Variants in LRP1B observed in about 807,000 individuals in gnomAD.
LRP1B encodes the protein low-density lipoprotein receptor-related protein 1B.
A neutral mutation model predicts 556.6 loss-of-function variants in LRP1B; 217 were observed. The observed-to-expected ratio is 0.39, with a 90% CI of 0.35 to 0.44. LRP1B has a LOEUF of 0.44. LRP1B is among the 20% of genes least tolerant of loss of function. The probability of loss-of-function intolerance (pLI) is 1.00; values close to 1 mark genes in which losing one functional copy is unlikely to be tolerated. For missense variants in LRP1B, 5,053 were observed against 5,620.8 expected, an observed-to-expected ratio of 0.90 and a Z score of 3.23; for synonymous variants, 2,047 against 1,865.8, an observed-to-expected ratio of 1.10 and a Z score of -2.50.
intron 18 of LRP1B, among the ~76,000 whole-genome samples, chr2:140,957,755 G>A (rs549200980): frequency 1.3e-5 from 2 of 151,542 alleles, no homozygotes; most frequent in South Asian, 4.2e-4. Context: ...CTATCTAGAT[G>A]CCTGGGTTTT....
intron 2 of LRP1B, among the ~76,000 whole-genome samples, chr2:141,795,638 G>A (rs1695778612): frequency 6.6e-6 from 1 of 151,720 alleles, no homozygotes; most frequent in Non-Finnish European, 1.5e-5. Flanking sequence ...GAACAGAAAA[G>A]AAGATGTAAG....
intron 7 of LRP1B, among the ~76,000 whole-genome samples, chr2:141,134,494 C>T (rs1415980139): frequency 6.6e-6 from 1 of 151,832 alleles, no homozygotes; most frequent in Non-Finnish European, 1.5e-5. Context: ...CCTCTTCCAA[C>T]TGTCTTATGT....
intron 31 of LRP1B, among the ~76,000 whole-genome samples, chr2:140,828,197 AAAGT>A (rs1691575856): frequency 6.6e-6 from 1 of 152,218 alleles, no homozygotes; most frequent in Admixed American, 6.6e-5. Flanking sequence ...CTCATTGCTA[AAAGT>A]AAGTATAAAG....
At chr2:141,160,100 TTTC>T (rs1348011008) in intron 7 of LRP1B, among the ~76,000 whole-genome samples, 1 of 151,210 alleles carries the variant, frequency 6.6e-6, no homozygotes, top group Non-Finnish European at 1.5e-5. Context: ...ATGTATCCCA[TTTC>T]TTATTTTTTT....
At chr2:140,536,867 T>C (rs1679923151) in intron 45 of LRP1B, among the ~76,000 whole-genome samples, 158 bp from the exon 46 acceptor site, 1 of 151,830 alleles carries the variant, frequency 6.6e-6, no homozygotes, top group Admixed American at 6.6e-5. Context: ...CTTTATGAAA[T>C]TAAGATCTTA....
intron 7 of LRP1B, among the ~76,000 whole-genome samples, chr2:141,148,058 C>T (rs1241978744): frequency 6.6e-6 from 1 of 152,136 alleles, no homozygotes; most frequent in Non-Finnish European, 1.5e-5. Context: ...AGGACAAACT[C>T]ATCTAACAAT....
At chr2:141,135,166 A>G (rs1227376170) in intron 7 of LRP1B, among the ~76,000 whole-genome samples, 4 of 151,864 alleles carry the variant, frequency 2.6e-5, no homozygotes, top group African/African-American at 9.7e-5. Context: ...AAATAATTAA[A>G]TACTTTTAGT....
rs530887178 is a variant in LRP1B, at chr2:141,387,024, A to T, written c.343+93372T>A. Among the ~76,000 whole-genome samples the T allele has an allele frequency of 3.9e-3, 592 of 152,180 alleles. 4 individuals are homozygous for T. The highest frequency in any genetic ancestry group is 0.013 in the African/African-American group (528 of 41,580). ...GAATATCTTCTCAAACCACAATGGA[A>T]TAAAGTTAGAAATTAATAAAAGATA... On this transcript the variant is annotated intron_variant, in intron 3 of 90. Coordinates refer to ENST00000389484, the MANE Select transcript of LRP1B (RefSeq NM_018557.3).
At chr2:140,561,677 A>G (rs1680935848) in intron 43 of LRP1B, among the ~76,000 whole-genome samples, 1 of 152,160 alleles carries the variant, frequency 6.6e-6, no homozygotes, top group Non-Finnish European at 1.5e-5. Context: ...TCATATAAGT[A>G]AAGAAAAAAA....
chr2:141,176,039 G>A lies in LRP1B; in HGVS notation c.1013+12382C>T, dbSNP rs141100832. Among the ~76,000 whole-genome samples the A allele has an allele frequency of 1.8e-3, 268 of 152,176 alleles. 3 individuals are homozygous for A. Among genetic ancestry groups the A allele is most frequent in the African/African-American group, 6.3e-3 (261 of 41,548 alleles). On this transcript the variant is annotated intron_variant, in intron 7 of 90. Transcript: ENST00000389484. ...GTTTTTGGCCAATTTCTCTCTTTTGGAGTGGTGGCATTTACCCAATGCCTG... is the reference window on the plus strand; with the variant it reads ...GTTTTTGGCCAATTTCTCTCTTTTGAAGTGGTGGCATTTACCCAATGCCTG...
At chr2:140,296,945 A>G (rs559795907) in intron 84 of LRP1B, among the ~76,000 whole-genome samples, 1 of 152,304 alleles carries the variant, frequency 6.6e-6, no homozygotes, top group South Asian at 2.1e-4. Context: ...GTAGTAAAAT[A>G]AGGTTATTAC....
chr2:141,589,115 G>GT (rs1339177209), intron 2 of LRP1B, among the ~76,000 whole-genome samples: 2 of 152,032 alleles, frequency 1.3e-5, no homozygotes, highest in African/African-American at 4.8e-5. Flanking sequence ...GTTTAATTTT[G>GT]TAAGTAAAGC....
chr2:141,545,615 T>C (rs1417655187), intron 2 of LRP1B, among the ~76,000 whole-genome samples: 1 of 151,908 alleles, frequency 6.6e-6, no homozygotes, highest in Non-Finnish European at 1.5e-5. Flanking sequence ...GAGGCCAAAG[T>C]GGGAGAATTG....
rs560952994 is a variant in LRP1B, at chr2:141,044,295, T to C, written c.1789+4691A>G. Among the ~76,000 whole-genome samples the C allele has an allele frequency of 7.4e-4, 113 of 151,796 alleles. 3 individuals are homozygous for C. In the East Asian group the frequency reaches 0.02, roughly 27 times the overall value. ...CAAGGTGGATTAAAGACTTAAACGT[T>C]AGACCTAAAACCATAAAAACCCTAG... On this transcript the variant is annotated intron_variant, in intron 11 of 90. Coordinates refer to ENST00000389484, the MANE Select transcript of LRP1B (RefSeq NM_018557.3).
intron 3 of LRP1B, among the ~76,000 whole-genome samples, chr2:141,448,302 G>T (rs568979914): frequency 6.6e-6 from 1 of 152,328 alleles, no homozygotes; most frequent in South Asian, 2.1e-4. Flanking sequence ...ACTTCAGACT[G>T]CTGTGCTGGT....
At chr2:141,361,557 G>A (rs1444073663) in intron 3 of LRP1B, among the ~76,000 whole-genome samples, 5 of 152,138 alleles carry the variant, frequency 3.3e-5, no homozygotes, top group African/African-American at 7.2e-5. Flanking sequence ...ATACTCGACA[G>A]TAAAACATAT....
At chr2:141,033,294 A>T (rs190487091) in intron 11 of LRP1B, among the ~76,000 whole-genome samples, 1 of 152,142 alleles carries the variant, frequency 6.6e-6, no homozygotes, top group East Asian at 1.9e-4. Context: ...CAGATGCCAG[A>T]TCATTCTCAG....
rs184722140 is a variant in LRP1B at position 140,232,653 on chromosome 2, T to C, written c.*533A>G. ...CTATTGGTTGGCAATCTAAGGCTAA[T>C]TTCAAAGCAGGTGATGCTGAACTTG... On this transcript the variant is annotated 3_prime_UTR_variant, in exon 91 of 91. Transcript: ENST00000389484. The C allele has an allele frequency of 4.0e-5, 6 of 151,880 alleles. No individual in the cohort carries two copies. The highest frequency in any genetic ancestry group is 8.9e-5 in the Non-Finnish European group (6 of 67,554). 9.4% of individuals were successfully genotyped at this position (151,880 alleles called of 1,614,324 possible). A position where few individuals can be genotyped will look rare whatever the true frequency, so the allele number is the denominator to read the frequency against.
intron 6 of LRP1B, among the ~76,000 whole-genome samples, chr2:141,197,143 G>A (rs567211276): frequency 1.3e-5 from 2 of 152,224 alleles, no homozygotes; most frequent in South Asian, 4.1e-4. Flanking sequence ...TCCAGTCTCA[G>A]GTATATCTTT....
Sources: gnomAD v4.1 joint callset for allele counts (sites outside exome capture counted in the v4.1 genomes callset) on GRCh38, gnomAD v4.1.1 for gene constraint, MANE v1.5 for transcripts, NCBI Gene and HGNC (gene_info 2026-07-23, HGNC 2026-07-21) for gene names.